The following CTNNA3 variants were observed in gnomAD, a reference collection of about 807,000 sequenced individuals.
CTNNA3 encodes catenin alpha 3, also known as catenin alpha-3.
In CTNNA3, 76 loss-of-function variants were observed where a neutral mutation model predicts 95.7. That is an observed-to-expected ratio of 0.79 (90% CI 0.66 to 0.96). CTNNA3 has a LOEUF of 0.96. CTNNA3 is among the 40% of genes least tolerant of loss of function. The pLI is 0.00. For missense variants in CTNNA3, 1,191 were observed against 1,089.8 expected (o/e 1.09, Z -1.31); for synonymous variants, 431 against 374.4 (o/e 1.15, Z -1.74).
At chr10:66,434,547 T>C (rs1278248630) in intron 11 of CTNNA3, among the ~76,000 whole-genome samples, 1 of 152,186 alleles carries the variant, frequency 6.6e-6, no homozygotes, top group South Asian at 2.1e-4. Context: ...ATTTTGGGGC[T>C]GAGATGACAG....
chr10:66,294,911 AG>A (rs1474168577), intron 12 of CTNNA3, among the ~76,000 whole-genome samples: 13 of 149,510 alleles, frequency 8.7e-5, no homozygotes, highest in South Asian at 2.1e-4. Flanking sequence ...AGAGAGAGAG[AG>A]AGGGATTTGG....
intron 9 of CTNNA3, among the ~76,000 whole-genome samples, chr10:66,712,538 A>T (rs1009978809): frequency 6.6e-6 from 1 of 152,058 alleles, no homozygotes; most frequent in African/African-American, 2.4e-5. Flanking sequence ...AATATGGAGA[A>T]GTTATTAATA....
At chr10:66,871,412 A>G (rs977850079) in intron 7 of CTNNA3, among the ~76,000 whole-genome samples, 1 of 151,950 alleles carries the variant, frequency 6.6e-6, no homozygotes, top group African/African-American at 2.4e-5. Context: ...CACACAAAAA[A>G]TTAGATGGGC....
intron 9 of CTNNA3, among the ~76,000 whole-genome samples, chr10:66,704,550 T>C (rs971649010): frequency 6.6e-6 from 1 of 152,170 alleles, no homozygotes; most frequent in African/African-American, 2.4e-5. Flanking sequence ...TTACCCTTTA[T>C]GAGTGTGCCT....
intron 13 of CTNNA3, among the ~76,000 whole-genome samples, chr10:66,264,030 T>A (rs2091083445): frequency 6.6e-6 from 1 of 151,982 alleles, no homozygotes; most frequent in Admixed American, 6.6e-5. Flanking sequence ...TATATCATAT[T>A]TTCTGCTCTA....
intron 11 of CTNNA3, among the ~76,000 whole-genome samples, chr10:66,440,122 A>G (rs1437881382): frequency 6.6e-6 from 1 of 152,100 alleles, no homozygotes; most frequent in Admixed American, 6.5e-5. Context: ...AATAAATATT[A>G]TTGTTCACAT....
At chr10:67,555,582 T>C (rs1385715731) in intron 3 of CTNNA3, among the ~76,000 whole-genome samples, 2 of 152,234 alleles carry the variant, frequency 1.3e-5, no homozygotes, top group African/African-American at 4.8e-5. Context: ...TAGGAATGCT[T>C]GTGATTTTTG....
At chr10:66,969,325 G>C (rs937022729) in intron 7 of CTNNA3, among the ~76,000 whole-genome samples, 8 of 151,790 alleles carry the variant, frequency 5.3e-5, no homozygotes, top group African/African-American at 1.9e-4. Context: ...ACATTTCCAT[G>C]TCATTAAAAC....
At chr10:67,533,485 C>A (rs188111024) in intron 4 of CTNNA3, among the ~76,000 whole-genome samples, 9 of 152,178 alleles carry the variant, frequency 5.9e-5, no homozygotes, top group Non-Finnish European at 1.0e-4. Flanking sequence ...GACAATAGAG[C>A]CAAAATACCT....
At chr10:67,609,110 A>AAG (rs1843375022) in intron 2 of CTNNA3, among the ~76,000 whole-genome samples, 1 of 151,112 alleles carries the variant, frequency 6.6e-6, no homozygotes, top group African/African-American at 2.4e-5. Context: ...AAAAAAAAAA[A>AAG]CAACCCATTT....
chr10:67,236,433 T>C (rs1215997800), intron 5 of CTNNA3, among the ~76,000 whole-genome samples: 1 of 150,282 alleles, frequency 6.7e-6, no homozygotes, highest in Non-Finnish European at 1.5e-5. Context: ...ACACCGCATA[T>C]TCTCACTCAT....
chr10:66,795,687 T>A (rs1177001480), intron 7 of CTNNA3, among the ~76,000 whole-genome samples: 2 of 152,194 alleles, frequency 1.3e-5, no homozygotes, highest in Non-Finnish European at 2.9e-5. Flanking sequence ...GCTATGAAAG[T>A]CCTAGAAGGC....
chr10:67,154,701 C>A (rs1861224147), intron 7 of CTNNA3, among the ~76,000 whole-genome samples: 1 of 152,130 alleles, frequency 6.6e-6, no homozygotes, highest in Non-Finnish European at 1.5e-5. Context: ...ATAGCGACTG[C>A]ACTCAGTTTA....
At chr10:66,093,786 T>A (rs1425525652) in intron 14 of CTNNA3, among the ~76,000 whole-genome samples, 1 of 152,028 alleles carries the variant, frequency 6.6e-6, no homozygotes, top group Non-Finnish European at 1.5e-5. Flanking sequence ...AAGAAATAAA[T>A]TCATGTAATA....
chr10:66,216,097 CCT>C (rs1309611431), intron 13 of CTNNA3, among the ~76,000 whole-genome samples: 1 of 152,216 alleles, frequency 6.6e-6, no homozygotes, highest in East Asian at 1.9e-4. Flanking sequence ...TCAGGGAAAG[CCT>C]CTCAGAGTTC....
At chr10:66,887,579 C>T (rs1450786660) in intron 7 of CTNNA3, among the ~76,000 whole-genome samples, 2 of 151,262 alleles carry the variant, frequency 1.3e-5, no homozygotes, top group Non-Finnish European at 3.0e-5. Flanking sequence ...GGCCAATGTA[C>T]CCGAGAACTA....
intron 11 of CTNNA3, among the ~76,000 whole-genome samples, chr10:66,493,188 A>G (rs928497454): frequency 4.6e-5 from 7 of 152,208 alleles, no homozygotes; most frequent in Non-Finnish European, 7.3e-5. Context: ...TGGTGATACA[A>G]TTACAAAACA....
At chr10:65,949,782 C>T in intron 17 of CTNNA3, among the ~76,000 whole-genome samples, 1 of 152,032 alleles carries the variant, frequency 6.6e-6, no homozygotes, top group East Asian at 1.9e-4. Context: ...GGTGCATAAC[C>T]ACTCATACAT....
intron 1 of CTNNA3, among the ~76,000 whole-genome samples, 187 bp from the exon 2 acceptor site, chr10:67,647,705 G>A (rs1012815482): frequency 5.9e-5 from 9 of 152,162 alleles, no homozygotes; most frequent in Non-Finnish European, 5.9e-5. Flanking sequence ...ACTGTTCCCT[G>A]AGGTCATGCT....
Sources: allele counts gnomAD v4.1 joint callset (sites outside exome capture counted in the v4.1 genomes callset), GRCh38; gene constraint gnomAD v4.1.1; transcripts MANE v1.5; gene names NCBI Gene and HGNC (gene_info 2026-07-23, HGNC 2026-07-21).